NPRL3: variants seen among roughly 807,000 people sequenced by gnomAD.
NPRL3 encodes the protein NPR3 like, GATOR1 complex subunit.
NPRL3 carries 23 observed loss-of-function variants against 57.2 expected under a neutral mutation model. That is an observed-to-expected ratio of 0.40 (90% CI 0.29 to 0.57). NPRL3 has a LOEUF of 0.57. Ranked by LOEUF, NPRL3 falls within the 20% of genes least tolerant of loss-of-function variation. NPRL3 has a pLI of 0.42. For synonymous variants in NPRL3, 333 were observed against 321.1 expected (o/e 1.04, Z -0.39); for missense variants, 691 against 767.1 (o/e 0.90, Z 1.17).
intron 7 of NPRL3, among the ~76,000 whole-genome samples, chr16:101,843 TCTCCA>T (rs1306568839): frequency 1.3e-5 from 2 of 152,016 alleles, no homozygotes; most frequent in African/African-American, 2.4e-5. Context: ...ACTCCATCGG[TCTCCA>T]CTCAAGTGTC....
chr16:110,625 A>G lies in NPRL3; in HGVS notation c.548-19T>C. The G allele has an allele frequency of 6.3e-7, 1 of 1,591,774 alleles. No individual in the cohort carries two copies. The highest frequency in any genetic ancestry group is 1.1e-5 in the South Asian group (1 of 88,200). On this transcript the variant is annotated intron_variant, in intron 6 of 13. Coordinates refer to ENST00000611875, the MANE Select transcript of NPRL3 (RefSeq NM_001077350.3). ...TCATTTCCTACAAGAATCACAACAC[A>G]AGATTTACAGCTCCCGGGTTCAAGC...
intron 12 of NPRL3, 70 bp downstream of exon 12, chr16:89,643 C>T (rs1011053403): frequency 1.2e-4 from 163 of 1,385,604 alleles, no homozygotes; most frequent in Middle Eastern, 2.5e-4. Flanking sequence ...GCACCACCCA[C>T]GTTGAGCCTC....
Position 88,741 on chromosome 16 carries a change from C to T in NPRL3, c.1501G>A (p.Val501Ile), listed in dbSNP as rs759446008. 1 of 1,613,604 alleles carries T rather than the reference C, an allele frequency of 6.2e-7. No individual in the cohort carries two copies. The highest frequency in any genetic ancestry group is 1.7e-5 in the Admixed American group (1 of 59,984). ...SEHERAAILS[V>I]PAAQNPEDLR... is the part of the protein sequence containing the mutation. ...TCCTCAGGGTTCTGGGCTGCGGGTA[C>T]ACTGAGGATGGCTGCGCGTTCATGC... Residue 501 changes from valine to isoleucine, a missense_variant, in exon 13 of 14, where the codon GTA becomes ATA. By Grantham distance (29) the Val-to-Ile change is conservative. Coordinates refer to ENST00000611875, the MANE Select transcript of NPRL3 (RefSeq NM_001077350.3).
intron 3 of NPRL3, among the ~76,000 whole-genome samples, chr16:119,665 C>T (rs1900202197): frequency 6.6e-6 from 1 of 152,242 alleles, no homozygotes; most frequent in Non-Finnish European, 1.5e-5. Context: ...CCTTCAACTC[C>T]CAGGACCCAG....
At chr16:137,086 G>GA (rs1404147859) in intron 2 of NPRL3, among the ~76,000 whole-genome samples, 1 of 526 alleles carries the variant, frequency 1.9e-3, no homozygotes, top group Non-Finnish European at 5.4e-3. Flanking sequence ...AGGGTGTGGT[G>GA]CACATGCCCT....
At chr16:107,828 G>T (rs1186822369) in intron 7 of NPRL3, among the ~76,000 whole-genome samples, 4 of 152,082 alleles carry the variant, frequency 2.6e-5, no homozygotes, top group African/African-American at 9.7e-5. Flanking sequence ...GCACCAGCTT[G>T]GTTTTTATTT....
At chr16:113,284 T>C (rs1270670848) in intron 5 of NPRL3, among the ~76,000 whole-genome samples, 1 of 152,208 alleles carries the variant, frequency 6.6e-6, no homozygotes, top group Admixed American at 6.5e-5. Context: ...ACTACAGGGA[T>C]GCACGGTACA....
chr16:123,794 C>CTCAACGCTTACCA (rs1900386038), intron 3 of NPRL3, among the ~76,000 whole-genome samples: 1 of 143,940 alleles, frequency 6.9e-6, no homozygotes, highest in South Asian at 2.3e-4. Context: ...ACTCCCCACG[C>CTCAACGCTTACCA]TGAGAAACAG....
Position 88,885 on chromosome 16 carries a change from T to C in NPRL3, c.1357A>G (p.Ser453Gly). The C allele has an allele frequency of 6.2e-7, 1 of 1,609,420 alleles. No individual in the cohort carries two copies. The highest frequency in any genetic ancestry group is 8.5e-7 in the Non-Finnish European group (1 of 1,176,144). Residue 453 changes from serine to glycine, a missense_variant, in exon 13 of 14, where the codon AGC becomes GGC. Coordinates refer to ENST00000611875, the MANE Select transcript of NPRL3 (RefSeq NM_001077350.3). ...GGGCTGGTGAGGGTCATGTCATCGCTGCTGGCTGTGGGGGACATGGGTCAG... is the reference window on the plus strand; with the variant it reads ...GGGCTGGTGAGGGTCATGTCATCGCCGCTGGCTGTGGGGGACATGGGTCAG... ...NALSFGSPTSSDDMTLTSPSM... is the reference protein window; with the variant it reads ...NALSFGSPTSGDDMTLTSPSM...
intron 9 of NPRL3, among the ~76,000 whole-genome samples, chr16:95,346 TATATACAC>T (rs1185423635): frequency 1.5e-3 from 70 of 46,412 alleles, no homozygotes; most frequent in African/African-American, 2.6e-3. Context: ...TATATATATA[TATATACAC>T]ACACACACAC....
chr16:93,357 G>A, intron 9 of NPRL3, 32 bp from the exon 10 acceptor site: 1 of 1,436,826 alleles, frequency 7.0e-7, no homozygotes, highest in Non-Finnish European at 9.6e-7. Flanking sequence ...CAAGGACCAT[G>A]CCTGAGGCTG....
At chr16:110,396 A>C in intron 7 of NPRL3, 129 bp downstream of exon 7, 38 of 631,094 alleles carry the variant, frequency 6.0e-5, no homozygotes, top group Non-Finnish European at 9.4e-5. Flanking sequence ...AACCTCAGGG[A>C]ACCCTGATGC....
At chr16:132,151 C>A (rs949504302) in intron 2 of NPRL3, among the ~76,000 whole-genome samples, 1 of 152,000 alleles carries the variant, frequency 6.6e-6, no homozygotes, top group Non-Finnish European at 1.5e-5. Context: ...GGACTACAGG[C>A]ATATGACACC....
At chr16:89,571 C>T (rs570373467) in intron 12 of NPRL3, 142 bp downstream of exon 12, 40 of 742,178 alleles carry the variant, frequency 5.4e-5, no homozygotes, top group African/African-American at 3.7e-4. Flanking sequence ...GGTGTCTCCA[C>T]GGGGGACACG....
At chr16:126,237 A>G (rs1481164879) in intron 3 of NPRL3, 1 of 148,622 alleles carries the variant, frequency 6.7e-6, no homozygotes, top group Non-Finnish European at 1.5e-5. Context: ...CCTGGCCAAC[A>G]TGGAGAAACC....
chr16:106,570 G>A (rs1376157312), intron 7 of NPRL3, among the ~76,000 whole-genome samples: 1 of 134,180 alleles, frequency 7.5e-6, no homozygotes, highest in Non-Finnish European at 1.5e-5. Flanking sequence ...GGAGACAGAT[G>A]TTGCAGTGAG....
chr16:103,463 A>G (rs1899398617), intron 7 of NPRL3, among the ~76,000 whole-genome samples: 1 of 151,682 alleles, frequency 6.6e-6, no homozygotes, highest in Non-Finnish European at 1.5e-5. Flanking sequence ...TTTCTGTCCT[A>G]TTTAGGATGC....
chr16:86,834 C>T lies in NPRL3; in HGVS notation c.1581G>A (p.Glu527=), dbSNP rs944428818. The T allele has an allele frequency of 8.7e-6, 14 of 1,613,444 alleles. No individual in the cohort carries two copies. The highest frequency in any genetic ancestry group is 5.0e-5 in the Admixed American group (3 of 59,970). ...GCGTGTTCTCGTTGTACATAATCTCCTCCAGGTGGTGGCGGCCGCGGAAGT... is the reference window on the plus strand; with the variant it reads ...GCGTGTTCTCGTTGTACATAATCTCTTCCAGGTGGTGGCGGCCGCGGAAGT... The part of the protein sequence containing the change: ...LHYFRGRHHL[E]EIMYNENTRR... Residue 527 remains glutamate (E), a synonymous_variant, in exon 14 of 14, where the codon GAG becomes GAA. Coordinates refer to ENST00000611875, the MANE Select transcript of NPRL3 (RefSeq NM_001077350.3).
intron 11 of NPRL3, chr16:90,563 G>GT (rs1898721751): frequency 6.6e-6 from 1 of 152,646 alleles, no homozygotes; most frequent in Non-Finnish European, 1.5e-5. Context: ...GTGAGGAGCA[G>GT]TGAGGAGCCT....
Sources: gnomAD v4.1 joint callset for allele counts (sites outside exome capture counted in the v4.1 genomes callset) on GRCh38, gnomAD v4.1.1 for gene constraint, MANE v1.5 for transcripts, NCBI Gene and HGNC (gene_info 2026-07-23, HGNC 2026-07-21) for gene names.